The following AMMECR1 variants were observed in gnomAD, a reference collection of about 807,000 sequenced individuals.
AMMECR1 encodes nuclear protein AMMECR1.
In AMMECR1, 3 loss-of-function variants were observed where a neutral mutation model predicts 22.5. The ratio of observed to expected loss-of-function variants is 0.13; its 90% CI spans 0.06 to 0.35. The LOEUF is 0.35. Among genes scored for constraint, AMMECR1 ranks in the 10% least tolerant of loss-of-function variants. The pLI, the probability that AMMECR1 is intolerant of heterozygous loss-of-function variation, is 1.00. For missense variants in AMMECR1, 235 were observed against 278.7 expected (o/e 0.84, Z 1.12); for synonymous variants, 130 against 116.7 (o/e 1.11, Z -0.74).
At chrX:110,279,732 A>G (rs777155037) in intron 1 of AMMECR1, among the ~76,000 whole-genome samples, 1 of 112,123 alleles carries the variant, frequency 8.9e-6, no homozygotes, top group South Asian at 3.7e-4. Flanking sequence ...AATAAAAGTT[A>G]TTTTATACCT....
At chrX:110,299,904 T>C (rs1476351795) in intron 1 of AMMECR1, among the ~76,000 whole-genome samples, 1 of 112,510 alleles carries the variant, frequency 8.9e-6, no homozygotes, top group Non-Finnish European at 1.9e-5. Flanking sequence ...TAATATTCCA[T>C]TGTGTATATT....
At chrX:110,390,044 A>T (rs2148285201) in intron 2 of AMMECR1, among the ~76,000 whole-genome samples, 1 of 111,913 alleles carries the variant, frequency 8.9e-6, no homozygotes, top group East Asian at 2.8e-4. Flanking sequence ...TTTTCACTTG[A>T]ACAAGATACA....
intron 2 of AMMECR1, among the ~76,000 whole-genome samples, chrX:110,383,858 T>C (rs2068436776): frequency 8.9e-6 from 1 of 111,894 alleles, no homozygotes; most frequent in Non-Finnish European, 1.9e-5. Context: ...AGGGATGGGC[T>C]CTGGAGGCAG....
upstream of AMMECR1, among the ~76,000 whole-genome samples, chrX:110,322,203 A>T (rs1223204816): frequency 8.9e-6 from 1 of 112,106 alleles, no homozygotes; most frequent in African/African-American, 3.2e-5. Context: ...AAACTCCTTA[A>T]TGAGATTTAG....
intron 2 of AMMECR1, among the ~76,000 whole-genome samples, chrX:110,245,676 T>C (rs1190298151): frequency 5.4e-5 from 6 of 110,663 alleles, no homozygotes; most frequent in Non-Finnish European, 9.4e-5. Context: ...GTTTTGTTTG[T>C]TGAATGCAAA....
At chrX:110,238,380 A>C (rs1177441907) in intron 2 of AMMECR1, among the ~76,000 whole-genome samples, 1 of 111,993 alleles carries the variant, frequency 8.9e-6, no homozygotes, top group Admixed American at 9.5e-5. Context: ...TCAGAAATAT[A>C]GCTCAAGCCG....
chrX:110,312,184 A>G (rs2068026383), intron 1 of AMMECR1, among the ~76,000 whole-genome samples: 1 of 112,620 alleles, frequency 8.9e-6, no homozygotes, highest in South Asian at 3.6e-4. Context: ...TTTCACACAT[A>G]AATTCTCAAA....
chrX:110,398,681 T>G (rs917658198), intron 2 of AMMECR1, among the ~76,000 whole-genome samples: 8 of 112,057 alleles, frequency 7.1e-5, no homozygotes, highest in Non-Finnish European at 1.1e-4. Context: ...CAAGTTGAAT[T>G]ATTTGTTTCC....
chrX:110,224,810 A>AAAAAC (rs942928238), intron 2 of AMMECR1, among the ~76,000 whole-genome samples: 3 of 111,707 alleles, frequency 2.7e-5, no homozygotes, highest in African/African-American at 6.5e-5. Flanking sequence ...TCCTTAGGTA[A>AAAAAC]AAAACAAAAC....
At chrX:110,351,946 A>G (rs1172097488) in intron 2 of AMMECR1, among the ~76,000 whole-genome samples, 1 of 112,422 alleles carries the variant, frequency 8.9e-6, no homozygotes, top group Non-Finnish European at 1.9e-5. Flanking sequence ...TACAAAGAAG[A>G]TACACAAATG....
intron 2 of AMMECR1, among the ~76,000 whole-genome samples, chrX:110,408,185 G>A (rs956622450): frequency 1.8e-5 from 2 of 112,550 alleles, no homozygotes; most frequent in African/African-American, 6.5e-5. Flanking sequence ...TGAGGCTTAG[G>A]AGTCCTGCCA....
intron 2 of AMMECR1, among the ~76,000 whole-genome samples, chrX:110,220,032 G>T (rs1031380587): frequency 2.7e-5 from 3 of 111,796 alleles, no homozygotes; most frequent in African/African-American, 9.7e-5. Context: ...TAAACAACAA[G>T]ATTCAGCTTT....
At chrX:110,348,983 C>A (rs2068201206) in intron 2 of AMMECR1, among the ~76,000 whole-genome samples, 1 of 111,731 alleles carries the variant, frequency 9.0e-6, no homozygotes. Context: ...TGTTATCATC[C>A]CCAGGCCTGA....
chrX:110,229,725 AG>A (rs1432473389), intron 2 of AMMECR1, among the ~76,000 whole-genome samples: 1 of 112,010 alleles, frequency 8.9e-6, no homozygotes, highest in Non-Finnish European at 1.9e-5. Context: ...GGGAAGCGCA[AG>A]GTGTTGGGGG....
chrX:110,436,059 C>T (rs745987746), intron 1 of AMMECR1, among the ~76,000 whole-genome samples: 1 of 112,808 alleles, frequency 8.9e-6, no homozygotes, highest in African/African-American at 3.2e-5. Flanking sequence ...ATAGCCCCAA[C>T]TAGCTCAAAA....
chrX:110,326,152 G>A (rs1260869288), intron 2 of AMMECR1, among the ~76,000 whole-genome samples: 2 of 110,540 alleles, frequency 1.8e-5, no homozygotes, highest in Non-Finnish European at 3.8e-5. Context: ...ACCACGCCTG[G>A]CTAATTTTTT....
intron 1 of AMMECR1, among the ~76,000 whole-genome samples, chrX:110,302,699 C>G (rs565593258): frequency 9.1e-6 from 1 of 110,178 alleles, no homozygotes. Flanking sequence ...ATGGTGAAAC[C>G]CCATCTCTAC....
intron 2 of AMMECR1, among the ~76,000 whole-genome samples, chrX:110,324,438 G>A (rs912333545): frequency 9.0e-6 from 1 of 111,277 alleles, no homozygotes; most frequent in African/African-American, 3.3e-5. Context: ...TTCCAATCTG[G>A]ATGTATTTTT....
At chrX:110,299,807 T>C (rs1293217895) in intron 1 of AMMECR1, among the ~76,000 whole-genome samples, 6 of 112,324 alleles carry the variant, frequency 5.3e-5, no homozygotes, top group Non-Finnish European at 9.4e-5. Context: ...TTTGTCTTTC[T>C]ATGTTTGGCT....
Sources: allele counts gnomAD v4.1 joint callset (sites outside exome capture counted in the v4.1 genomes callset), GRCh38; gene constraint gnomAD v4.1.1; transcripts MANE v1.5; gene names NCBI Gene and HGNC (gene_info 2026-07-23, HGNC 2026-07-21).